CLEC16A: variants seen among roughly 807,000 people sequenced by gnomAD.
The protein encoded by CLEC16A is protein CLEC16A.
In CLEC16A, 51 loss-of-function variants were observed where a neutral mutation model predicts 109.5. The observed-to-expected ratio is 0.47, with a 90% CI of 0.37 to 0.59. The LOEUF (loss-of-function observed/expected upper bound fraction) is 0.59. Ranked by LOEUF, CLEC16A falls within the 20% of genes least tolerant of loss-of-function variation. CLEC16A has a pLI of 0.00. For missense variants in CLEC16A, 1,339 were observed against 1,394.0 expected (o/e 0.96, Z 0.63); for synonymous variants, 673 against 564.2 (o/e 1.19, Z -2.73).
chr16:11,104,678 C>T (rs1221437489), intron 19 of CLEC16A, among the ~76,000 whole-genome samples: 1 of 152,246 alleles, frequency 6.6e-6, no homozygotes, highest in African/African-American at 2.4e-5. Flanking sequence ...CAAGCCCTCT[C>T]TGCACCCCAG....
At chr16:11,147,842 C>G (rs2054130734) in intron 22 of CLEC16A, among the ~76,000 whole-genome samples, 1 of 152,184 alleles carries the variant, frequency 6.6e-6, no homozygotes, top group African/African-American at 2.4e-5. Flanking sequence ...TTCCTTAAAG[C>G]AGTCCAAATG....
intron 11 of CLEC16A, among the ~76,000 whole-genome samples, chr16:11,012,466 G>A (rs762532689): frequency 1.1e-4 from 16 of 151,882 alleles, no homozygotes; most frequent in Admixed American, 9.2e-4. Flanking sequence ...GGAATGGCAC[G>A]TGCCTGTAGT....
intron 19 of CLEC16A, among the ~76,000 whole-genome samples, chr16:11,075,388 GTGTGTGTGTGTGTGTGTGTGTGTC>G (rs1042823547): frequency 2.2e-4 from 28 of 128,214 alleles, no homozygotes; most frequent in Non-Finnish European, 3.7e-4. Context: ...CTGTGTGTGT[GTGTGTGTGTGTGTGTGTGTGTGTC>G]TGTGTGTGTG....
chr16:11,069,441 TA>T (rs1228995725), intron 19 of CLEC16A, among the ~76,000 whole-genome samples: 2 of 151,876 alleles, frequency 1.3e-5, no homozygotes, highest in East Asian at 3.9e-4. Context: ...TTATTATTAC[TA>T]TTTTTTTTTT....
chr16:11,042,280 G>C lies in CLEC16A; in HGVS notation c.1687G>C (p.Glu563Gln), dbSNP rs2047378794. Residue 563 changes from glutamate to glutamine, a missense_variant, in exon 15 of 24, where the codon GAG becomes CAG. Glu to Gln is a conservative substitution (Grantham distance 29, BLOSUM62 2). Around this residue, in one of 3 missense-constraint regions of CLEC16A, gnomAD observed 1,061 missense variants for 1,006.8 expected, o/e 1.05. Transcript: ENST00000409790. ...TGGGAAGATCCGGCTGGCGACGCTGGAGCTGAGCTGCCTGCTTCTGAAGCA... is the reference window on the plus strand; with the variant it reads ...TGGGAAGATCCGGCTGGCGACGCTGCAGCTGAGCTGCCTGCTTCTGAAGCA... ...PDGKIRLATL[E>Q]LSCLLLKQQV... 6.3e-7 allele frequency: 1 copy of C among 1,587,398 alleles called. No homozygotes were observed. The highest frequency in any genetic ancestry group is 1.3e-5 in the African/African-American group (1 of 74,372).
chr16:10,950,029 T>C (rs2041642347), intron 1 of CLEC16A, among the ~76,000 whole-genome samples: 1 of 152,214 alleles, frequency 6.6e-6, no homozygotes, highest in Non-Finnish European at 1.5e-5. Flanking sequence ...TCTAACTTCT[T>C]CTGTGCCTGT....
intron 22 of CLEC16A, chr16:11,126,453 G>C: frequency 7.8e-7 from 1 of 1,275,558 alleles, no homozygotes; most frequent in African/African-American, 1.5e-5. Context: ...GATTAGTGCT[G>C]AAGTTGTGGG....
At chr16:11,111,634 G>A (rs1358719989) in intron 19 of CLEC16A, among the ~76,000 whole-genome samples, 1 of 152,186 alleles carries the variant, frequency 6.6e-6, no homozygotes, top group East Asian at 1.9e-4. Context: ...ATCCATTTCA[G>A]TGCCCCTCTA....
At chr16:11,014,156 T>G (rs1262380617) in intron 11 of CLEC16A, among the ~76,000 whole-genome samples, 2 of 152,234 alleles carry the variant, frequency 1.3e-5, no homozygotes, top group Non-Finnish European at 2.9e-5. Flanking sequence ...TTCCTGTGTT[T>G]CTTTCTGTAA....
chr16:11,021,657 G>T (rs142655616), intron 12 of CLEC16A, among the ~76,000 whole-genome samples: 4,883 of 152,228 alleles, frequency 0.032, 269 homozygotes, highest in African/African-American at 0.11. Context: ...AATTAGCCGG[G>T]CATGGTGGCA....
chr16:11,163,777 C>G (rs2054808040), intron 22 of CLEC16A, among the ~76,000 whole-genome samples: 2 of 152,210 alleles, frequency 1.3e-5, no homozygotes, highest in Admixed American at 6.5e-5. Flanking sequence ...CAGCCGGGGT[C>G]ATTGTCGGGA....
chr16:11,109,845 C>T (rs1225123965), intron 19 of CLEC16A, among the ~76,000 whole-genome samples: 1 of 152,236 alleles, frequency 6.6e-6, no homozygotes, highest in South Asian at 2.1e-4. Flanking sequence ...CTAATGTTTA[C>T]TGAACTGCTA....
At chr16:11,017,157 T>A (rs2045808503) in intron 11 of CLEC16A, among the ~76,000 whole-genome samples, 1 of 152,142 alleles carries the variant, frequency 6.6e-6, no homozygotes, top group South Asian at 2.1e-4. Flanking sequence ...CCACCCCGCC[T>A]CAGATCACAG....
chr16:11,079,075 C>T (rs1171313887), intron 19 of CLEC16A, among the ~76,000 whole-genome samples: 1 of 152,176 alleles, frequency 6.6e-6, no homozygotes, highest in Non-Finnish European at 1.5e-5. Flanking sequence ...GCCCTGCAGC[C>T]CCACACACAG....
chr16:10,971,333 A>G lies in CLEC16A; in HGVS notation c.598+103A>G. 3 of 907,292 alleles carry G rather than the reference A, an allele frequency of 3.3e-6. 1 individual carries two copies. The highest frequency in any genetic ancestry group is 3.3e-5 in the South Asian group (2 of 60,294). 56.2% of individuals were successfully genotyped at this position (907,292 alleles called of 1,614,324 possible). ...AGTTCTCCGATTGTCACGAGGGAGC[A>G]CATTGATGATGAGCCGTGGCAGCTT... On this transcript the variant is annotated intron_variant, in intron 5 of 23. Transcript: ENST00000409790.
intron 18 of CLEC16A, among the ~76,000 whole-genome samples, chr16:11,058,258 ATT>A (rs749897939): frequency 6.6e-6 from 1 of 152,286 alleles, no homozygotes; most frequent in East Asian, 1.9e-4. Context: ...GAGAGATTTT[ATT>A]ATACAGTCAT....
chr16:10,970,153 A>G (rs984525681), intron 4 of CLEC16A, among the ~76,000 whole-genome samples: 4 of 152,232 alleles, frequency 2.6e-5, no homozygotes, highest in Non-Finnish European at 4.4e-5. Flanking sequence ...CAACAGTATC[A>G]GCGAGGACCC....
At chr16:11,104,046 G>A (rs181924027) in intron 19 of CLEC16A, among the ~76,000 whole-genome samples, 1 of 152,310 alleles carries the variant, frequency 6.6e-6, no homozygotes. Context: ...CCACAGATGT[G>A]TGTGGCACCC....
chr16:11,158,603 G>C (rs1477922096), intron 22 of CLEC16A, among the ~76,000 whole-genome samples: 5 of 152,122 alleles, frequency 3.3e-5, no homozygotes, highest in Non-Finnish European at 5.9e-5. Flanking sequence ...AGGCCCCAAG[G>C]TATGACAGAC....
Sources: gnomAD v4.1 joint callset for allele counts (sites outside exome capture counted in the v4.1 genomes callset) on GRCh38, gnomAD v4.1.1 for gene constraint, gnomAD v4.1.1 regional missense constraint, MANE v1.5 for transcripts, NCBI Gene and HGNC (gene_info 2026-07-23, HGNC 2026-07-21) for gene names.